Variants in ANKRD36 observed in about 807,000 individuals in gnomAD.
ANKRD36 encodes the protein ankyrin repeat domain-containing protein 36A.
Under a neutral mutation model 278.1 loss-of-function variants are expected in ANKRD36, and 179 were observed. The observed-to-expected ratio is 0.64, with a 90% CI of 0.57 to 0.73. ANKRD36 has a LOEUF of 0.73. Among genes scored for constraint, ANKRD36 ranks in the 30% least tolerant of loss-of-function variants. The probability of loss-of-function intolerance (pLI) is 0.00; values close to 1 mark genes in which losing one functional copy is unlikely to be tolerated. For synonymous variants in ANKRD36, 320 were observed against 641.1 expected, an observed-to-expected ratio of 0.50 and a Z score of 7.57; for missense variants, 1,159 against 1,956.7, an observed-to-expected ratio of 0.59 and a Z score of 7.69.
chr2:97,136,688 C>T (rs577966497), intron 6 of ANKRD36, among the ~76,000 whole-genome samples: 159 of 151,554 alleles, frequency 1.0e-3, no homozygotes, highest in Middle Eastern at 6.8e-3. Flanking sequence ...ATTGTTGTTG[C>T]GGTGTGAGAG....
At chr2:97,150,777 G>A (rs201174088) in intron 12 of ANKRD36, among the ~76,000 whole-genome samples, 2 of 141,866 alleles carry the variant, frequency 1.4e-5, no homozygotes, top group African/African-American at 2.6e-5. Flanking sequence ...CCCCAATCAT[G>A]TTCTATTAAA....
At chr2:97,227,066 T>C (rs1390361394) in intron 67 of ANKRD36, among the ~76,000 whole-genome samples, 2 of 152,140 alleles carry the variant, frequency 1.3e-5, no homozygotes, top group Non-Finnish European at 2.9e-5. Flanking sequence ...GCGTGATGCC[T>C]CCAGCCTTGT....
At chr2:97,200,622 C>G (rs1346876939) in intron 46 of ANKRD36, 97 bp downstream of exon 46, 2 of 1,503,808 alleles carry the variant, frequency 1.3e-6, no homozygotes, top group Non-Finnish European at 1.8e-6. Context: ...GCTGCACGTT[C>G]TGATTCACCA....
intron 60 of ANKRD36, among the ~76,000 whole-genome samples, chr2:97,213,901 C>G (rs1422889408): frequency 6.6e-6 from 1 of 151,750 alleles, no homozygotes; most frequent in Non-Finnish European, 1.5e-5. Flanking sequence ...TGCTTTAATT[C>G]TACAGCATGT....
intron 22 of ANKRD36, among the ~76,000 whole-genome samples, chr2:97,177,294 C>G (rs1283415848): frequency 6.6e-6 from 1 of 151,876 alleles, no homozygotes; most frequent in Non-Finnish European, 1.5e-5. Flanking sequence ...ATCAAGCTAC[C>G]AATGCCTTTC....
intron 52 of ANKRD36, 53 bp from the exon 53 acceptor site, chr2:97,207,758 A>G: frequency 6.5e-7 from 1 of 1,539,880 alleles, no homozygotes; most frequent in Non-Finnish European, 8.8e-7. Context: ...GAATGTATGG[A>G]TAATTTTGTC....
rs144151596 is a variant in ANKRD36 at position 97,184,381 on chromosome 2, C to T, written c.1939+727C>T. ...TATTCAAATGAGTTAAAATTTAATA[C>T]GATTATATTAGCTTTTTTCCAAAGT... On this transcript the variant is annotated intron_variant, in intron 28 of 75. Coordinates refer to ENST00000420699, the MANE Select transcript of ANKRD36 (RefSeq NM_001354587.1). Among the ~76,000 whole-genome samples, 236 of 151,532 alleles carry T rather than the reference C, an allele frequency of 1.6e-3. 3 individuals carry two copies. Among genetic ancestry groups the T allele is most frequent in the South Asian group, 7.8e-3 (37 of 4,764 alleles).
intron 15 of ANKRD36, among the ~76,000 whole-genome samples, chr2:97,157,130 C>CCTCTCTCTGT (rs1553602314): frequency 0.011 from 707 of 67,308 alleles, 4 homozygotes; most frequent in African/African-American, 0.021. Flanking sequence ...GTTTTTTTTT[C>CCTCTCTCTGT]CTCTCTCTCT....
chr2:97,209,943 C>G (rs2063943482), intron 56 of ANKRD36, 71 bp downstream of exon 56: 1 of 1,513,048 alleles, frequency 6.6e-7, no homozygotes, highest in Middle Eastern at 2.3e-4. Context: ...CTGAATAAAT[C>G]AGCGGAGGGC....
At chr2:97,208,168 G>C (rs1298010879) in intron 54 of ANKRD36, among the ~76,000 whole-genome samples, 162 bp downstream of exon 54, 1 of 146,132 alleles carries the variant, frequency 6.8e-6, no homozygotes, top group Non-Finnish European at 1.5e-5. Context: ...TGATGCTGCT[G>C]GTCTGGAACA....
At chr2:97,216,994 A>G in intron 62 of ANKRD36, 183 bp from the exon 63 acceptor site, 3 of 1,291,086 alleles carry the variant, frequency 2.3e-6, no homozygotes, top group South Asian at 2.7e-5. Context: ...TTTTTCATGA[A>G]GGCTGTATTA....
chr2:97,232,045 T>G (rs1160203403), intron 67 of ANKRD36, among the ~76,000 whole-genome samples: 6 of 151,872 alleles, frequency 4.0e-5, no homozygotes, highest in Non-Finnish European at 8.8e-5. Flanking sequence ...ATGGTTTATG[T>G]TTTTCACTGA....
chr2:97,229,362 T>C (rs1220973198), intron 67 of ANKRD36, among the ~76,000 whole-genome samples: 1 of 152,060 alleles, frequency 6.6e-6, no homozygotes, highest in Non-Finnish European at 1.5e-5. Flanking sequence ...TAGCTCTTCT[T>C]GTTGAATTGA....
At chr2:97,198,436 T>G in intron 42 of ANKRD36, 27 bp from the exon 43 acceptor site, 1 of 1,571,700 alleles carries the variant, frequency 6.4e-7, no homozygotes, top group Non-Finnish European at 8.6e-7. Context: ...TACATATGAG[T>G]GATTATGAAT....
intron 1 of ANKRD36, among the ~76,000 whole-genome samples, chr2:97,116,197 C>G (rs1291326273): frequency 5.9e-5 from 9 of 151,838 alleles, no homozygotes. Context: ...TGAAATTATC[C>G]TTGGAAAAAG....
intron 22 of ANKRD36, among the ~76,000 whole-genome samples, chr2:97,174,635 T>G (rs1310418610): frequency 6.6e-6 from 1 of 151,740 alleles, no homozygotes; most frequent in African/African-American, 2.4e-5. Context: ...CCTGCCTAAT[T>G]GCCCTGGCCA....
intron 48 of ANKRD36, 68 bp downstream of exon 48, chr2:97,202,461 A>C: frequency 6.5e-7 from 1 of 1,533,962 alleles, no homozygotes; most frequent in Non-Finnish European, 8.8e-7. Context: ...TCCCCAAATA[A>C]ATCAGCGGGG....
chr2:97,158,506 T>G, intron 16 of ANKRD36, 82 bp from the exon 17 acceptor site: 1 of 1,446,636 alleles, frequency 6.9e-7, no homozygotes, highest in Non-Finnish European at 9.3e-7. Context: ...GGATTAAAGC[T>G]GTGAGCCCCC....
rs549491630 is a variant in ANKRD36, at chr2:97,171,702, TA to T, written c.1633+3946del. On this transcript the variant is annotated intron_variant, in intron 22 of 75. Coordinates refer to ENST00000420699, the MANE Select transcript of ANKRD36 (RefSeq NM_001354587.1). Reference sequence around the variant, plus strand: ...TGTACCCTAAAACTTAAAGTATAATTAAAAAAAAAAAGTGTTCTGTAAAAAA... The same window carrying T: ...TGTACCCTAAAACTTAAAGTATAATTAAAAAAAAAAGTGTTCTGTAAAAAA... 3.1e-3 allele frequency among the ~76,000 whole-genome samples: 348 copies of T among 111,730 alleles called. 3 individuals carry two copies. The highest frequency in any genetic ancestry group is 0.028 in the South Asian group (99 of 3,564). The allele number at this position is 111,730 out of a possible 152,430, so 73.3% of individuals were successfully genotyped here. A position where few individuals can be genotyped will look rare whatever the true frequency, so the allele number is the denominator to read the frequency against.
Sources: allele counts gnomAD v4.1 joint callset (sites outside exome capture counted in the v4.1 genomes callset), GRCh38; gene constraint gnomAD v4.1.1; transcripts MANE v1.5; gene names NCBI Gene and HGNC (gene_info 2026-07-23, HGNC 2026-07-21).